Variants in CELF2 observed in about 807,000 individuals in gnomAD.
The protein encoded by CELF2 is CUG triplet repeat RNA-binding protein 2.
In CELF2, 8 loss-of-function variants were observed where a neutral mutation model predicts 62.6. That is an observed-to-expected ratio of 0.13 (90% CI 0.07 to 0.23). The LOEUF is 0.23. Ranked by LOEUF, CELF2 falls within the 10% of genes least tolerant of loss-of-function variation. The pLI, the probability that CELF2 is intolerant of heterozygous loss-of-function variation, is 1.00. For missense variants in CELF2, 333 were observed against 671.0 expected (o/e 0.50, Z 5.56); for synonymous variants, 258 against 250.0 (o/e 1.03, Z -0.30).
chr10:10,662,516 A>C, the CELF2 span, among the ~76,000 whole-genome samples: 1 of 152,252 alleles, frequency 6.6e-6, no homozygotes. Context: ...CTGGCAGGTC[A>C]GTCACTTCCG....
the CELF2 span, among the ~76,000 whole-genome samples, chr10:10,726,904 G>A: frequency 4.6e-5 from 7 of 152,330 alleles, no homozygotes; most frequent in African/African-American, 1.4e-4. Context: ...TACAGAAAGC[G>A]TGGCTGAGGA....
At chr10:11,197,067 A>AAGGAAAG (rs2058091403) in intron 2 of CELF2, among the ~76,000 whole-genome samples, 1 of 101,284 alleles carries the variant, frequency 9.9e-6, no homozygotes, top group African/African-American at 4.4e-5. Flanking sequence ...GAAAAGAAAG[A>AAGGAAAG]AAGGAAAGAA....
intron 2 of CELF2, among the ~76,000 whole-genome samples, chr10:10,939,091 CTAT>C (rs1226466142): frequency 1.3e-5 from 2 of 150,338 alleles, no homozygotes; most frequent in East Asian, 2.0e-4. Context: ...AGTGTGGCCG[CTAT>C]TGTAACCCCA....
intron 4 of CELF2, among the ~76,000 whole-genome samples, chr10:11,256,503 A>G (rs2078775853): frequency 6.6e-6 from 1 of 152,130 alleles, no homozygotes; most frequent in East Asian, 1.9e-4. Flanking sequence ...ATAGGTATGC[A>G]CAAGTGACTT....
At chr10:11,016,361 T>C (rs2057258156), upstream of CELF2, among the ~76,000 whole-genome samples, 1 of 152,160 alleles carries the variant, frequency 6.6e-6, no homozygotes, top group Admixed American at 6.5e-5. The surrounding 1 kb of genome is among the most constrained non-coding windows in gnomAD (Gnocchi z 5.2). Flanking sequence ...AAATTAAGGT[T>C]AGTTTAGCCC....
At position 11,103,487 on chromosome 10, in the gene CELF2, A is replaced by ATTTTTTTTTTTTTTTTTTTT. The variant is rs3054364; in HGVS notation, c.75-61998_75-61979dup. ...CGGATAAACCTGTGTTTGTAGCCTG[A>ATTTTTTTTTTTTTTTTTTTT]TTTTTTTTTTTTTTTTTTTTACTGT... On this transcript the variant is annotated intron_variant, in intron 1 of 12. Coordinates refer to ENST00000633077, the MANE Select transcript of CELF2 (RefSeq NM_001326342.2). Among the ~76,000 whole-genome samples the ATTTTTTTTTTTTTTTTTTTT allele has an allele frequency of 9.7e-4, 116 of 119,718 alleles. 5 individuals are homozygous for ATTTTTTTTTTTTTTTTTTTT. Among genetic ancestry groups the ATTTTTTTTTTTTTTTTTTTT allele is most frequent in the Middle Eastern group, 4.4e-3 (1 of 228 alleles). 78.5% of individuals were successfully genotyped at this position (119,718 alleles called of 152,430 possible).
At chr10:10,748,371 A>G in the CELF2 span, among the ~76,000 whole-genome samples, 1 of 152,166 alleles carries the variant, frequency 6.6e-6, no homozygotes, top group African/African-American at 2.4e-5. Flanking sequence ...ATTTGTCTCT[A>G]AATAAAATTA....
chr10:11,325,250 C>T lies in CELF2; in HGVS notation c.1295-586C>T, dbSNP rs112719296. The stretch of plus-strand genomic sequence containing the variant: ...TCATTCCTCTCAAAGTCATGAGACT[C>T]AGGCTACCTTCTTTCCTTGCCTTGA... On this transcript the variant is annotated intron_variant, in intron 11 of 12. Transcript: ENST00000633077. Among the ~76,000 whole-genome samples, 621 of 152,340 alleles carry T rather than the reference C, an allele frequency of 4.1e-3. 2 individuals carry two copies. Among genetic ancestry groups the T allele is most frequent in the Non-Finnish European group, 7.2e-3 (493 of 68,040 alleles).
chr10:10,584,872 A>G, the CELF2 span, among the ~76,000 whole-genome samples: 2 of 152,206 alleles, frequency 1.3e-5, no homozygotes, highest in Non-Finnish European at 2.9e-5. Flanking sequence ...GTTAATTTAA[A>G]TTTACATAGC....
In CELF2 at chr10:11,297,354, T is replaced by C. The variant is rs2093301576; in HGVS notation, c.976+8802T>C. On this transcript the variant is annotated intron_variant, in intron 9 of 12. Transcript: ENST00000633077. The surrounding 1 kb of genome is among the most constrained non-coding windows in gnomAD (Gnocchi z 4.4). The stretch of plus-strand genomic sequence containing the variant: ...CCTGCAGAGGCCAGGCGGGCTGCCC[T>C]AAGCCCGGGGAGGGGTGAGGTCATC... 6.6e-6 allele frequency among the ~76,000 whole-genome samples: 1 copy of C among 152,052 alleles called. No homozygotes were observed. Among genetic ancestry groups the C allele is most frequent in the Non-Finnish European group, 1.5e-5 (1 of 67,998 alleles).
the CELF2 span, among the ~76,000 whole-genome samples, chr10:10,746,250 C>G: frequency 6.6e-6 from 1 of 152,134 alleles, no homozygotes; most frequent in African/African-American, 2.4e-5. Flanking sequence ...GTAAAATCTG[C>G]AAAACACCGG....
rs145494713 is a variant in CELF2, at chr10:11,007,613, A to G, written c.53+2173A>G. 1.3e-4 allele frequency among the ~76,000 whole-genome samples: 20 copies of G among 152,314 alleles called. No individual in the cohort carries two copies. The East Asian group carries it at 3.3e-3, about 25-fold the overall frequency. On this transcript the variant is annotated intron_variant, in intron 1 of 12. Transcript: ENST00000416382. ...CGATGGGATCGGAACTGCTCATTCCATCGTATACCAATAACTGCTTTCAAG... is the reference window on the plus strand; with the variant it reads ...CGATGGGATCGGAACTGCTCATTCCGTCGTATACCAATAACTGCTTTCAAG...
chr10:10,627,903 A>ATTATT, the CELF2 span, among the ~76,000 whole-genome samples: 1 of 152,080 alleles, frequency 6.6e-6, no homozygotes, highest in Admixed American at 6.5e-5. Context: ...ATTCTTTATA[A>ATTATT]TTATTTTATT....
intron 1 of CELF2, among the ~76,000 whole-genome samples, chr10:10,826,925 T>G (rs2057437160): frequency 6.6e-6 from 1 of 152,144 alleles, no homozygotes; most frequent in African/African-American, 2.4e-5. Context: ...AATGAGGCCG[T>G]GAACTGTGCA....
At chr10:10,885,120 G>A (rs1486892028) in intron 1 of CELF2, among the ~76,000 whole-genome samples, 1 of 152,044 alleles carries the variant, frequency 6.6e-6, no homozygotes, top group Non-Finnish European at 1.5e-5. Context: ...GTGTTTGCTT[G>A]TAATCCCAGC....
chr10:10,999,834 C>T (rs1160576153), intron 2 of CELF2, among the ~76,000 whole-genome samples: 1 of 152,176 alleles, frequency 6.6e-6, no homozygotes, highest in Non-Finnish European at 1.5e-5. Context: ...AAAGGAAGAT[C>T]CCCAAGTGCA....
In CELF2 at chr10:11,008,506, C is replaced by G. The variant is rs555842567; in HGVS notation, c.53+3066C>G. ...GTGAGCATTTGATTAGTATTCATAT[C>G]TAGAACTTTGTAGCAAGTGCAGATT... On this transcript the variant is annotated intron_variant, in intron 1 of 12. Coordinates refer to the CELF2 transcript ENST00000416382. The surrounding 1 kb of genome is among the most constrained non-coding windows in gnomAD (Gnocchi z 4.5). 1.3e-5 allele frequency among the ~76,000 whole-genome samples: 2 copies of G among 152,260 alleles called. No individual in the cohort carries two copies. Among genetic ancestry groups the G allele is most frequent in the African/African-American group, 4.8e-5 (2 of 41,532 alleles).
In CELF2 at chr10:11,009,334, TGTGC is replaced by T. The variant is rs1417969643; in HGVS notation, c.53+3896_53+3899del. ...GATGGAAGTTGTGTGTGTGTGTGTG[TGTGC>T]GCGTGTGTGTGAGTGTGTGTGTGTG... On this transcript the variant is annotated intron_variant, in intron 1 of 12. Transcript: ENST00000416382. 1.0e-4 allele frequency among the ~76,000 whole-genome samples: 10 copies of T among 96,462 alleles called. No individual in the cohort carries two copies. In the African/African-American group the frequency reaches 1.2e-3, roughly 11 times the overall value. The allele number at this position is 96,462 out of a possible 152,430, so 63.3% of individuals were successfully genotyped here. A position where few individuals can be genotyped will look rare whatever the true frequency, so the allele number is the denominator to read the frequency against.
In CELF2 at chr10:11,318,144, G is replaced by T. The variant is rs1339828570; in HGVS notation, c.1097-3045G>T. On this transcript the variant is annotated intron_variant, in intron 10 of 12. Coordinates refer to ENST00000633077, the MANE Select transcript of CELF2 (RefSeq NM_001326342.2). The surrounding 1 kb of genome is among the most constrained non-coding windows in gnomAD (Gnocchi z 5.4). Reference sequence around the variant, plus strand: ...TAGAACAACATCAGGTGACTCACAGGAACTGTTCTCAGAAGTGGAAGGCCG... The same window carrying T: ...TAGAACAACATCAGGTGACTCACAGTAACTGTTCTCAGAAGTGGAAGGCCG... 6.5e-6 allele frequency: 1 copy of T among 152,742 alleles called. No individual in the cohort carries two copies. Among genetic ancestry groups the T allele is most frequent in the Non-Finnish European group, 1.5e-5 (1 of 68,552 alleles). The allele number at this position is 152,742 out of a possible 1,614,324, so 9.5% of individuals were successfully genotyped here.
Sources: allele counts gnomAD v4.1 joint callset (sites outside exome capture counted in the v4.1 genomes callset), GRCh38; gene constraint gnomAD v4.1.1; non-coding constraint Gnocchi (gnomAD v3.1); transcripts MANE v1.5; gene names NCBI Gene and HGNC (gene_info 2026-07-23, HGNC 2026-07-21).